The following NBEA variants were observed in gnomAD, a reference collection of about 807,000 sequenced individuals.
The protein encoded by NBEA is neurobeachin, also known as lysosomal-trafficking regulator 2.
A neutral mutation model predicts 343.4 loss-of-function variants in NBEA; 44 were observed. That is an observed-to-expected ratio of 0.13 (90% confidence interval 0.10 to 0.16). The LOEUF (loss-of-function observed/expected upper bound fraction) is 0.16. Ranked by LOEUF, NBEA falls within the 10% of genes least tolerant of loss-of-function variation. NBEA has a pLI of 1.00. For missense variants in NBEA, 2,555 were observed against 3,631.3 expected, an observed-to-expected ratio of 0.70 and a Z score of 7.62; for synonymous variants, 1,175 against 1,238.7, an observed-to-expected ratio of 0.95 and a Z score of 1.08.
At chr13:35,627,210 C>G (rs1434373042) in intron 48 of NBEA, among the ~76,000 whole-genome samples, 1 of 152,156 alleles carries the variant, frequency 6.6e-6, no homozygotes, top group Admixed American at 6.5e-5. Context: ...TTACATGGCT[C>G]TGCAATAGCT....
At chr13:34,943,297 C>G (rs1593243776) in intron 1 of NBEA, among the ~76,000 whole-genome samples, 183 bp downstream of exon 1, 1 of 152,118 alleles carries the variant, frequency 6.6e-6, no homozygotes, top group Admixed American at 6.5e-5. Flanking sequence ...CACGCCACCT[C>G]CCTCCTCTCC....
chr13:35,548,449 T>C (rs1054732167), intron 41 of NBEA, among the ~76,000 whole-genome samples: 1 of 152,194 alleles, frequency 6.6e-6, no homozygotes, highest in Non-Finnish European at 1.5e-5. Flanking sequence ...TGTATACACA[T>C]GTGAGATATT....
intron 39 of NBEA, among the ~76,000 whole-genome samples, chr13:35,440,661 G>A (rs2045692071): frequency 6.6e-6 from 1 of 152,138 alleles, no homozygotes; most frequent in Non-Finnish European, 1.5e-5. Flanking sequence ...ATGAAGATGA[G>A]GCTGAAACAC....
Position 35,045,058 on chromosome 13 carries a change from G to T in NBEA, c.627+11G>T, listed in dbSNP as rs377441510. ...GAAAGTGGAATCTGGGTAAGCTGTG[G>T]TCGGAGGGAAAGGTATTCAGTATCA... On this transcript the variant is annotated intron_variant, in intron 3 of 58. Coordinates refer to ENST00000379939, the MANE Select transcript of NBEA (RefSeq NM_001385012.1). 4.4e-6 allele frequency: 7 copies of T among 1,597,406 alleles called. No individual in the cohort carries two copies. The South Asian group carries it at 6.8e-5, about 15-fold the overall frequency.
intron 1 of NBEA, among the ~76,000 whole-genome samples, chr13:34,967,527 A>T (rs2059861672): frequency 6.6e-6 from 1 of 152,166 alleles, no homozygotes; most frequent in East Asian, 1.9e-4. Context: ...TTTGTCTTCA[A>T]GTAGTAATAT....
chr13:34,988,791 A>G (rs988326642), intron 1 of NBEA, among the ~76,000 whole-genome samples: 14 of 150,948 alleles, frequency 9.3e-5, no homozygotes, highest in Admixed American at 6.6e-5. Context: ...TGCATGGTAT[A>G]TCTTTTTCTG....
chr13:35,228,689 T>A (rs117611076), intron 33 of NBEA, among the ~76,000 whole-genome samples: 2,446 of 152,220 alleles, frequency 0.016, 31 homozygotes, highest in Middle Eastern at 0.024. Flanking sequence ...CCTGTTCCAG[T>A]AATTTAATTC....
At chr13:35,034,821 G>T (rs2062379153) in intron 1 of NBEA, among the ~76,000 whole-genome samples, 1 of 151,806 alleles carries the variant, frequency 6.6e-6, no homozygotes, top group Non-Finnish European at 1.5e-5. Flanking sequence ...TTTGCGTGTG[G>T]TTGCTCACAG....
chr13:34,965,724 A>G (rs2059800034), intron 1 of NBEA, among the ~76,000 whole-genome samples: 2 of 151,998 alleles, frequency 1.3e-5, no homozygotes, highest in African/African-American at 4.8e-5. Context: ...GCAAAACTGC[A>G]GTTGCCATGA....
intron 49 of NBEA, among the ~76,000 whole-genome samples, chr13:35,635,944 G>T (rs564424942): frequency 7.2e-5 from 11 of 152,100 alleles, no homozygotes; most frequent in Admixed American, 6.5e-4. Context: ...TTCTTTCTTC[G>T]CTTTGTGTTA....
intron 17 of NBEA, among the ~76,000 whole-genome samples, chr13:35,134,736 C>T (rs548641231): frequency 6.6e-6 from 1 of 151,902 alleles, no homozygotes; most frequent in African/African-American, 2.4e-5. Flanking sequence ...AGGGTGGAGG[C>T]TAACATGAAG....
intron 36 of NBEA, among the ~76,000 whole-genome samples, chr13:35,346,120 G>A (rs535278260): frequency 2.6e-5 from 4 of 152,188 alleles, no homozygotes; most frequent in African/African-American, 9.6e-5. Context: ...TTGTTACAAA[G>A]CCTCCACCCC....
At chr13:35,522,274 C>T (rs2077753143) in intron 41 of NBEA, among the ~76,000 whole-genome samples, 1 of 151,604 alleles carries the variant, frequency 6.6e-6, no homozygotes, top group Non-Finnish European at 1.5e-5. Flanking sequence ...TCGAGACCAG[C>T]CTGGCCAATA....
chr13:34,963,932 T>C (rs1053783912), intron 1 of NBEA, among the ~76,000 whole-genome samples: 1 of 152,030 alleles, frequency 6.6e-6, no homozygotes, highest in Non-Finnish European at 1.5e-5. Flanking sequence ...GTTAAGTGCA[T>C]ATTAGGTACC....
At chr13:35,322,715 AT>A (rs1187191725) in intron 36 of NBEA, among the ~76,000 whole-genome samples, 1 of 152,198 alleles carries the variant, frequency 6.6e-6, no homozygotes, top group African/African-American at 2.4e-5. Context: ...AGTATTTCTT[AT>A]TTATACATAT....
intron 40 of NBEA, among the ~76,000 whole-genome samples, chr13:35,467,179 A>T: frequency 6.6e-6 from 1 of 152,218 alleles, no homozygotes; most frequent in Non-Finnish European, 1.5e-5. Flanking sequence ...ATACTTAAAA[A>T]TAATGAGTCT....
Position 35,027,005 on chromosome 13 carries a change from A to C in NBEA, c.295-13928A>C, listed in dbSNP as rs1399935811. Among the ~76,000 whole-genome samples the C allele has an allele frequency of 5.9e-5, 9 of 151,960 alleles. No individual in the cohort carries two copies. In the East Asian group the frequency reaches 1.7e-3, roughly 29 times the overall value. On this transcript the variant is annotated intron_variant, in intron 1 of 58. Transcript: ENST00000379939. ...CATAAATAGAATCGTATTTTATGTG[A>C]TCTTTGGAGACTGCTTTTCTTCACT...
chr13:35,060,052 A>G (rs995686540), intron 8 of NBEA, among the ~76,000 whole-genome samples: 7 of 151,690 alleles, frequency 4.6e-5, no homozygotes, highest in Non-Finnish European at 1.0e-4. Context: ...TATTTTTGTA[A>G]TTCACATTTT....
chr13:35,638,861 C>G (rs191862599), intron 49 of NBEA, among the ~76,000 whole-genome samples: 15 of 152,258 alleles, frequency 9.9e-5, no homozygotes, highest in Admixed American at 6.5e-4. Context: ...TTTTCACATT[C>G]ATTTGTTAAG....
Sources: allele counts gnomAD v4.1 joint callset (sites outside exome capture counted in the v4.1 genomes callset), GRCh38; gene constraint gnomAD v4.1.1; transcripts MANE v1.5; gene names NCBI Gene and HGNC (gene_info 2026-07-23, HGNC 2026-07-21).